CARMIL1: variants seen among roughly 807,000 people sequenced by gnomAD.
CARMIL1 encodes capping protein regulator and myosin 1 linker 1.
Under a neutral mutation model 177.1 loss-of-function variants are expected in CARMIL1, and 90 were observed. The observed-to-expected ratio is 0.51, with a 90% CI of 0.43 to 0.61. CARMIL1 has a LOEUF of 0.61. CARMIL1 is among the 20% of genes least tolerant of loss of function. The probability of loss-of-function intolerance (pLI) is 0.00; values close to 1 mark genes in which losing one functional copy is unlikely to be tolerated. For synonymous variants in CARMIL1, 577 were observed against 606.2 expected (o/e 0.95, Z 0.71); for missense variants, 1,380 against 1,667.0 (o/e 0.83, Z 3.00).
At chr6:25,566,532 A>G (rs979930550) in intron 29 of CARMIL1, among the ~76,000 whole-genome samples, 9 of 152,192 alleles carry the variant, frequency 5.9e-5, no homozygotes, top group East Asian at 1.9e-4. Context: ...GTTGTCCTTG[A>G]TCCTCTGAGC....
intron 2 of CARMIL1, among the ~76,000 whole-genome samples, chr6:25,343,216 T>A (rs940404): frequency 0.047 from 7,092 of 152,210 alleles, 193 homozygotes; most frequent in African/African-American, 0.06. Flanking sequence ...ATTATAATTT[T>A]AAAAAATGCA....
At chr6:25,429,424 A>T (rs1796548019) in intron 4 of CARMIL1, among the ~76,000 whole-genome samples, 1 of 152,190 alleles carries the variant, frequency 6.6e-6, no homozygotes, top group African/African-American at 2.4e-5. Context: ...TCAATGAAAC[A>T]TCTAATAGGC....
chr6:25,400,304 G>A (rs915502839), intron 2 of CARMIL1, among the ~76,000 whole-genome samples: 1 of 152,158 alleles, frequency 6.6e-6, no homozygotes, highest in African/African-American at 2.4e-5. Context: ...CACACCCAGC[G>A]CCTGGTTCTG....
chr6:25,353,040 C>A (rs978630910), intron 2 of CARMIL1, among the ~76,000 whole-genome samples: 2 of 152,166 alleles, frequency 1.3e-5, no homozygotes, highest in East Asian at 3.9e-4. Flanking sequence ...CAGCTGCTAT[C>A]TTTTGGCCAT....
At chr6:25,612,868 A>T (rs1406972923) in intron 36 of CARMIL1, 8 of 985,440 alleles carry the variant, frequency 8.1e-6, no homozygotes, top group Non-Finnish European at 9.6e-6. Context: ...TGGGCACAGG[A>T]AGTCACAGCC....
At position 25,549,557 on chromosome 6, in the gene CARMIL1, G is replaced by T. The variant is rs894619105; in HGVS notation, c.2329-1353G>T. 2.0e-5 allele frequency among the ~76,000 whole-genome samples: 3 copies of T among 152,136 alleles called. No individual in the cohort carries two copies. In the South Asian group the frequency reaches 6.2e-4, roughly 32 times the overall value. Reference sequence around the variant, plus strand: ...GACAGAGCACTGTCAAAATAGGAAAGGCTTTTGGAAACTTCTCAAACGGCT... The same window carrying T: ...GACAGAGCACTGTCAAAATAGGAAATGCTTTTGGAAACTTCTCAAACGGCT... On this transcript the variant is annotated intron_variant, in intron 26 of 36. Transcript: ENST00000329474.
intron 32 of CARMIL1, among the ~76,000 whole-genome samples, chr6:25,596,448 A>T (rs536753606): frequency 2.2e-4 from 33 of 152,322 alleles, no homozygotes; most frequent in African/African-American, 7.9e-4. Context: ...GGCTTAAAAA[A>T]GTTTCCTTAT....
rs1362149233 is a variant in CARMIL1 at position 25,279,635 on chromosome 6, G to A, written c.-161G>A. ...TCTTTTTTTTTTTTTTGGTGGGGCG[G>A]GGGGCGCGCGGCAAAATTCTGTCTC... On this transcript the variant is annotated 5_prime_UTR_variant, in exon 1 of 37. Coordinates refer to ENST00000329474, the MANE Select transcript of CARMIL1 (RefSeq NM_017640.6). The A allele has an allele frequency of 7.6e-6, 5 of 660,438 alleles. No homozygotes were observed. The highest frequency in any genetic ancestry group is 1.4e-5 in the Non-Finnish European group (5 of 367,082). 40.9% of individuals were successfully genotyped at this position (660,438 alleles called of 1,614,324 possible).
At chr6:25,521,724 CA>C (rs533174390) in intron 23 of CARMIL1, among the ~76,000 whole-genome samples, 1 of 146,842 alleles carries the variant, frequency 6.8e-6, no homozygotes, top group South Asian at 2.1e-4. Context: ...AGCTGAGATC[CA>C]TGCCACTGCA....
chr6:25,504,351 C>T (rs1804709686), intron 17 of CARMIL1, among the ~76,000 whole-genome samples: 1 of 152,076 alleles, frequency 6.6e-6, no homozygotes, highest in South Asian at 2.1e-4. Flanking sequence ...CTTTATTGTT[C>T]ATTCTCACCT....
intron 2 of CARMIL1, among the ~76,000 whole-genome samples, chr6:25,298,536 G>A (rs1462889237): frequency 1.3e-5 from 2 of 152,120 alleles, no homozygotes; most frequent in South Asian, 2.1e-4. Flanking sequence ...TTTCCAATAC[G>A]TATCTGTTTT....
chr6:25,373,831 C>T (rs1463911007), intron 2 of CARMIL1, among the ~76,000 whole-genome samples: 1 of 152,176 alleles, frequency 6.6e-6, no homozygotes, highest in Non-Finnish European at 1.5e-5. Flanking sequence ...GATCCGTCTG[C>T]CTCAGCCTCC....
intron 2 of CARMIL1, among the ~76,000 whole-genome samples, chr6:25,349,593 A>G (rs1481847404): frequency 3.9e-5 from 6 of 152,212 alleles, no homozygotes; most frequent in African/African-American, 1.4e-4. Flanking sequence ...CTTCTCTTTA[A>G]AAGATTGGTA....
At chr6:25,488,311 C>T (rs1015410042) in intron 12 of CARMIL1, among the ~76,000 whole-genome samples, 171 bp from the exon 13 acceptor site, 9 of 152,180 alleles carry the variant, frequency 5.9e-5, no homozygotes, top group Non-Finnish European at 1.3e-4. Context: ...ACCTGTTCTT[C>T]CTGAGGGTGT....
chr6:25,518,409 C>T (rs1245958457), intron 22 of CARMIL1, among the ~76,000 whole-genome samples: 1 of 152,174 alleles, frequency 6.6e-6, no homozygotes, highest in Admixed American at 6.5e-5. Context: ...AATCCTGTGG[C>T]TCTACTTCAG....
intron 8 of CARMIL1, among the ~76,000 whole-genome samples, chr6:25,462,142 T>G (rs1411236701): frequency 6.6e-6 from 1 of 152,234 alleles, no homozygotes; most frequent in African/African-American, 2.4e-5. Flanking sequence ...TCTCTTGACA[T>G]CTTTTGTAGA....
At chr6:25,504,827 C>A (rs985688486) in intron 17 of CARMIL1, among the ~76,000 whole-genome samples, 1 of 152,092 alleles carries the variant, frequency 6.6e-6, no homozygotes. Context: ...TCAAAAGGCC[C>A]CCTTTGAAAC....
intron 2 of CARMIL1, among the ~76,000 whole-genome samples, chr6:25,339,981 A>G (rs546207698): frequency 6.6e-6 from 1 of 152,316 alleles, no homozygotes; most frequent in Non-Finnish European, 1.5e-5. Flanking sequence ...CAAGATCCCA[A>G]CATCATGCCT....
intron 8 of CARMIL1, among the ~76,000 whole-genome samples, chr6:25,453,697 C>T (rs906112840): frequency 1.3e-5 from 2 of 152,194 alleles, no homozygotes; most frequent in African/African-American, 4.8e-5. Context: ...ATTGCTTTTG[C>T]ACCTTCCATG....
Sources: gnomAD v4.1 joint callset for allele counts (sites outside exome capture counted in the v4.1 genomes callset) on GRCh38, gnomAD v4.1.1 for gene constraint, MANE v1.5 for transcripts, NCBI Gene and HGNC (gene_info 2026-07-23, HGNC 2026-07-21) for gene names.